LRRC7: variants seen among roughly 807,000 people sequenced by gnomAD.
LRRC7 encodes the protein leucine-rich repeat-containing protein 7.
LRRC7 carries 23 observed loss-of-function variants against 175.7 expected under a neutral mutation model. The ratio of observed to expected loss-of-function variants is 0.13; its 90% confidence interval spans 0.09 to 0.19. The LOEUF is 0.19. LRRC7 is among the 10% of genes least tolerant of loss of function. LRRC7 has a pLI of 1.00. For synonymous variants in LRRC7, 685 were observed against 680.9 expected (o/e 1.01, Z -0.09); for missense variants, 1,354 against 1,904.7 (o/e 0.71, Z 5.38).
chr1:69,625,854 T>G (rs1013334815), intron 1 of LRRC7, among the ~76,000 whole-genome samples: 16 of 152,308 alleles, frequency 1.1e-4, no homozygotes, highest in African/African-American at 3.8e-4. Context: ...TCCAAATATT[T>G]GAAATTTGAA....
chr1:69,986,918 G>A (rs12046847), intron 10 of LRRC7, among the ~76,000 whole-genome samples: 9,510 of 152,206 alleles, frequency 0.062, 291 homozygotes, highest in South Asian at 0.11. Context: ...GCCGGTTAGT[G>A]TATAAAAAGC....
intron 3 of LRRC7, among the ~76,000 whole-genome samples, chr1:69,763,009 T>C (rs1671206572): frequency 6.6e-6 from 1 of 151,986 alleles, no homozygotes; most frequent in African/African-American, 2.4e-5. Flanking sequence ...TATATTGAAA[T>C]ATGATCTAAT....
intron 7 of LRRC7, among the ~76,000 whole-genome samples, chr1:69,882,793 G>T (rs1381842765): frequency 7.8e-6 from 1 of 129,032 alleles, no homozygotes; most frequent in African/African-American, 3.0e-5. Context: ...TATCCAGAGT[G>T]TGATATTCCC....
rs1666943068 is a variant in LRRC7 at position 70,138,275 on chromosome 1, A to G, written c.*16388A>G. 6.6e-6 allele frequency: 1 copy of G among 152,196 alleles called. No homozygotes were observed. Among genetic ancestry groups the G allele is most frequent in the Non-Finnish European group, 1.5e-5 (1 of 68,030 alleles). 9.4% of individuals were successfully genotyped at this position (152,196 alleles called of 1,614,324 possible). On this transcript the variant is annotated 3_prime_UTR_variant, in exon 27 of 27. Coordinates refer to ENST00000651989, the MANE Select transcript of LRRC7 (RefSeq NM_001370785.2). ...AGTTTGGGCATATTACTGGAGATCC[A>G]GGTTGAAAGGTATTGAAAAAAAAGC...
At chr1:69,783,642 C>A (rs570465310) in intron 3 of LRRC7, among the ~76,000 whole-genome samples, 1 of 151,198 alleles carries the variant, frequency 6.6e-6, no homozygotes, top group Non-Finnish European at 1.5e-5. Flanking sequence ...ATCCCAGCTA[C>A]CCAGGAGGCT....
chr1:70,020,159 G>A (rs960619317), intron 15 of LRRC7, among the ~76,000 whole-genome samples: 4 of 151,938 alleles, frequency 2.6e-5, no homozygotes, highest in African/African-American at 9.7e-5. Flanking sequence ...AGGCAGGAGT[G>A]TAATAAATGA....
At chr1:69,879,336 T>G (rs1320376614) in intron 7 of LRRC7, among the ~76,000 whole-genome samples, 1 of 151,660 alleles carries the variant, frequency 6.6e-6, no homozygotes, top group African/African-American at 2.4e-5. Flanking sequence ...TGACAAAAAT[T>G]TCCAGGCCTA....
At chr1:69,916,430 A>T (rs1210904991) in intron 7 of LRRC7, among the ~76,000 whole-genome samples, 1 of 151,076 alleles carries the variant, frequency 6.6e-6, no homozygotes, top group African/African-American at 2.4e-5. Flanking sequence ...AAATGTCAGG[A>T]AGTTAACACA....
In LRRC7 at chr1:70,137,007, G is replaced by C. The variant is rs938200024; in HGVS notation, c.*15120G>C. 6.6e-6 allele frequency among the ~76,000 whole-genome samples: 1 copy of C among 152,082 alleles called. No homozygotes were observed. Among genetic ancestry groups the C allele is most frequent in the Admixed American group, 6.5e-5 (1 of 15,268 alleles). On this transcript the variant is annotated 3_prime_UTR_variant, in exon 27 of 27. Transcript: ENST00000651989. ...CCCAAAGTGCTGGGATGATAGGCATGAGCCACCATCCTCGGCTCTATTGCT... is the reference window on the plus strand; with the variant it reads ...CCCAAAGTGCTGGGATGATAGGCATCAGCCACCATCCTCGGCTCTATTGCT...
chr1:69,607,713 C>A (rs1647842626), intron 1 of LRRC7: 1 of 152,006 alleles, frequency 6.6e-6, no homozygotes, highest in East Asian at 1.9e-4. Context: ...TAATTTTTTT[C>A]CCATTGAAAA....
At chr1:69,951,179 A>G (rs1557923841) in intron 8 of LRRC7, among the ~76,000 whole-genome samples, 1 of 149,070 alleles carries the variant, frequency 6.7e-6, no homozygotes. Flanking sequence ...CAAACATATG[A>G]AAAAAAAACC....
chr1:69,701,729 C>T (rs1570419462), intron 2 of LRRC7, among the ~76,000 whole-genome samples: 2 of 152,168 alleles, frequency 1.3e-5, no homozygotes, highest in Non-Finnish European at 1.5e-5. Context: ...GGAATGCATT[C>T]TAGCCTCTTT....
At chr1:69,791,447 C>G (rs1675106212) in intron 3 of LRRC7, among the ~76,000 whole-genome samples, 1 of 151,990 alleles carries the variant, frequency 6.6e-6, no homozygotes, top group Admixed American at 6.6e-5. Context: ...CCACCTAATA[C>G]TTTGGACTGA....
chr1:69,885,632 T>C (rs905772281), intron 7 of LRRC7, among the ~76,000 whole-genome samples: 5 of 127,364 alleles, frequency 3.9e-5, no homozygotes, highest in Non-Finnish European at 8.1e-5. Flanking sequence ...TCTGCTCTGA[T>C]TTTAGTTATT....
intron 25 of LRRC7, among the ~76,000 whole-genome samples, chr1:70,093,500 T>G (rs368725593): frequency 1.1e-4 from 17 of 152,250 alleles, no homozygotes; most frequent in African/African-American, 4.1e-4. Context: ...TAATAAGCAT[T>G]ATAATACATG....
intron 11 of LRRC7, among the ~76,000 whole-genome samples, chr1:70,002,349 G>A (rs1655616242): frequency 6.6e-6 from 1 of 152,208 alleles, no homozygotes; most frequent in Non-Finnish European, 1.5e-5. Context: ...ACTTGCCAAA[G>A]GTCATTAATA....
chr1:69,670,648 G>A (rs561830069), intron 1 of LRRC7, among the ~76,000 whole-genome samples: 1 of 152,298 alleles, frequency 6.6e-6, no homozygotes, highest in African/African-American at 2.4e-5. Flanking sequence ...CTGGGAGCCA[G>A]GGACTAGAAT....
chr1:69,834,340 G>A (rs1680869621), intron 5 of LRRC7, among the ~76,000 whole-genome samples: 1 of 152,132 alleles, frequency 6.6e-6, no homozygotes, highest in Non-Finnish European at 1.5e-5. Context: ...GTAACAAATT[G>A]TAGACAAATT....
chr1:69,942,979 G>A (rs536449527), intron 8 of LRRC7, among the ~76,000 whole-genome samples: 25 of 152,082 alleles, frequency 1.6e-4, no homozygotes, highest in South Asian at 4.1e-4. Context: ...GTTTTTTTGC[G>A]ATTTTTTTTA....
Sources: allele counts gnomAD v4.1 joint callset (sites outside exome capture counted in the v4.1 genomes callset), GRCh38; gene constraint gnomAD v4.1.1; transcripts MANE v1.5; gene names NCBI Gene and HGNC (gene_info 2026-07-23, HGNC 2026-07-21).